UGT2B11: variants seen among roughly 807,000 people sequenced by gnomAD.
UGT2B11 encodes the protein UDP glucuronosyltransferase family 2 member B11.
In UGT2B11, 49 loss-of-function variants were observed where a neutral mutation model predicts 51.7. That is an observed-to-expected ratio of 0.95 (90% CI 0.75 to 1.20). The LOEUF is 1.20. Ranked by LOEUF, UGT2B11 falls within the 50% of genes most tolerant of loss-of-function variation. UGT2B11 has a pLI of 0.00. For synonymous variants in UGT2B11, 273 were observed against 209.0 expected (o/e 1.31, Z -2.64); for missense variants, 810 against 622.1 (o/e 1.30, Z -3.21).
intron 3 of UGT2B11, among the ~76,000 whole-genome samples, chr4:69,207,901 T>C (rs964603981): frequency 1.2e-4 from 18 of 151,680 alleles, no homozygotes; most frequent in Non-Finnish European, 1.5e-4. Context: ...TAAGTCTTCC[T>C]TGTATTTCTA....
chr4:69,206,187 C>T (rs1423347987), intron 3 of UGT2B11, among the ~76,000 whole-genome samples: 1 of 151,310 alleles, frequency 6.6e-6, no homozygotes, highest in African/African-American at 2.4e-5. Context: ...ATGTTAGTTG[C>T]AGTACTATTC....
chr4:69,210,679 G>A (rs1252834013), intron 2 of UGT2B11, among the ~76,000 whole-genome samples: 2 of 151,556 alleles, frequency 1.3e-5, no homozygotes, highest in African/African-American at 4.8e-5. Flanking sequence ...CAAGAGTAAT[G>A]TAGAGTGACA....
chr4:69,212,715 G>C lies in UGT2B11; in HGVS notation c.728C>G (p.Pro243Arg). Residue 243 changes from proline (P) to arginine (R), a missense_variant, in exon 2 of 6, where the codon CCC (proline) becomes CGC (arginine). By Grantham distance (103) the Pro-to-Arg change is moderately radical. Transcript: ENST00000446444. ...TCCCATTGTCTCAAATAAGGTAGTG[G>C]GTCTTCCTGACAGGAATAAAGAAAA... Reference protein sequence around the residue: ...DQFYSEVLGRPTTLFETMGKA... With the variant: ...DQFYSEVLGRRTTLFETMGKA... The C allele has an allele frequency of 6.2e-7, 1 of 1,603,674 alleles. No homozygotes were observed.
At chr4:69,205,742 A>C in intron 3 of UGT2B11, 175 bp from the exon 4 acceptor site, 3 of 719,268 alleles carry the variant, frequency 4.2e-6, no homozygotes, top group Non-Finnish European at 6.2e-6. Context: ...AATGATTTAG[A>C]TATATAAGAA....
chr4:69,212,518 C>T, intron 2 of UGT2B11, 55 bp downstream of exon 2: 1 of 1,585,480 alleles, frequency 6.3e-7, no homozygotes, highest in Non-Finnish European at 8.5e-7. Context: ...ACTATAGACT[C>T]ATTTCTACTG....
At chr4:69,212,356 A>T (rs1361408539) in intron 2 of UGT2B11, among the ~76,000 whole-genome samples, 21 of 151,598 alleles carry the variant, frequency 1.4e-4, no homozygotes, top group Admixed American at 1.3e-3. Flanking sequence ...CTACATTCAA[A>T]GTCTCCTTAC....
intron 5 of UGT2B11, 112 bp downstream of exon 5, chr4:69,204,318 A>G: frequency 2.0e-6 from 3 of 1,479,066 alleles, no homozygotes; most frequent in Non-Finnish European, 2.7e-6. Context: ...TGGTTATATC[A>G]TTTAAATTCT....
intron 5 of UGT2B11, among the ~76,000 whole-genome samples, chr4:69,202,042 G>A (rs1254532121): frequency 6.6e-6 from 1 of 151,664 alleles, no homozygotes; most frequent in Non-Finnish European, 1.5e-5. Flanking sequence ...CATTAGTTTT[G>A]CTTGTTTATG....
chr4:69,205,470 A>C lies in UGT2B11; in HGVS notation c.1090+10T>G, dbSNP rs571377795. On this transcript the variant is annotated intron_variant, in intron 4 of 5. Transcript: ENST00000446444. ...CTAATATATCCAGTATTTGTTCACC[A>C]GAGTGTTACCTAGAAGGTCATTCTG... The C allele has an allele frequency of 6.2e-7, 1 of 1,608,872 alleles. No individual in the cohort carries two copies. Among genetic ancestry groups the C allele is most frequent in the East Asian group, 2.2e-5 (1 of 44,636 alleles).
intron 4 of UGT2B11, 24 bp downstream of exon 4, chr4:69,205,456 A>G (rs1156953892): frequency 6.2e-7 from 1 of 1,604,072 alleles, no homozygotes; most frequent in Non-Finnish European, 8.5e-7. Context: ...TAATATATCC[A>G]GTATTTGTTC....
upstream of UGT2B11, among the ~76,000 whole-genome samples, chr4:69,217,829 T>C (rs562265291): frequency 4.7e-4 from 72 of 152,174 alleles, no homozygotes; most frequent in African/African-American, 1.6e-3. Context: ...GCCACAGTTC[T>C]TGAGGCTGAA....
At chr4:69,207,622 G>A (rs1295928133) in intron 3 of UGT2B11, among the ~76,000 whole-genome samples, 1 of 151,460 alleles carries the variant, frequency 6.6e-6, no homozygotes, top group Non-Finnish European at 1.5e-5. Context: ...ATTTTATACT[G>A]TACAGGATCC....
At chr4:69,205,273 G>T (rs1721806434) in intron 4 of UGT2B11, among the ~76,000 whole-genome samples, 1 of 151,684 alleles carries the variant, frequency 6.6e-6, no homozygotes, top group African/African-American at 2.4e-5. Context: ...CTGAAATAAA[G>T]ATTATCTCTG....
At position 69,214,209 on chromosome 4, in the gene UGT2B11, G is replaced by T; in HGVS notation, c.514C>A (p.Leu172Ile). ...ATTGTGTAGCCAGGAGTAAAGCGGA[G>T]ACTGTACACAAACCGTATGTTAAGT... ...ALLNIRFVYSLRFTPGYTIER... is the reference protein window; with the variant it reads ...ALLNIRFVYSIRFTPGYTIER... Residue 172 changes from leucine (L) to isoleucine (I), a missense_variant, in exon 1 of 6, where the codon CTC becomes ATC. By Grantham distance (5) the Leu-to-Ile change is conservative. Coordinates refer to ENST00000446444, the MANE Select transcript of UGT2B11 (RefSeq NM_001073.3). 3 of 1,613,206 alleles carry T rather than the reference G, an allele frequency of 1.9e-6. No homozygotes were observed. The highest frequency in any genetic ancestry group is 2.5e-6 in the Non-Finnish European group (3 of 1,179,492).
rs780896887 is a variant in UGT2B11, at chr4:69,214,523, T to C, written c.200A>G (p.Asn67Ser). ...ASSASILFDP[N>S]DASTLKFEVY... ...TTCAAATTTAAGAGTGGATGCATCA[T>C]TGGGATCAAAAAGAATGGAAGCTGA... Residue 67 changes from asparagine (N) to serine (S), a missense_variant, in exon 1 of 6, where the codon AAT (asparagine) becomes AGT (serine). Transcript: ENST00000446444. 4 of 1,613,130 alleles carry C rather than the reference T, an allele frequency of 2.5e-6. No homozygotes were observed. The highest frequency in any genetic ancestry group is 3.4e-6 in the Non-Finnish European group (4 of 1,179,458).
chr4:69,202,082 G>T (rs1236649931), intron 5 of UGT2B11, among the ~76,000 whole-genome samples: 1 of 151,754 alleles, frequency 6.6e-6, no homozygotes, highest in Non-Finnish European at 1.5e-5. Flanking sequence ...GTACTCAAAA[G>T]TGTCTTTTTC....
At chr4:69,221,583 G>T in the UGT2B11 span, among the ~76,000 whole-genome samples, 2 of 152,344 alleles carry the variant, frequency 1.3e-5, no homozygotes, top group South Asian at 2.1e-4. Flanking sequence ...CCCTAATAAG[G>T]GTGTGGGACT....
intron 3 of UGT2B11, among the ~76,000 whole-genome samples, chr4:69,206,247 G>T (rs1721851299): frequency 6.6e-6 from 1 of 151,430 alleles, no homozygotes. Context: ...ATTATGGAAT[G>T]AATAAAGAAA....
In UGT2B11 at chr4:69,200,311, A is replaced by ATTTTTT. The variant is rs1560534651; in HGVS notation, c.*128_*129insAAAAAA. 16 of 1,000,184 alleles carry ATTTTTT rather than the reference A, an allele frequency of 1.6e-5. No homozygotes were observed. The highest frequency in any genetic ancestry group is 2.7e-4 in the Middle Eastern group (1 of 3,722). 62.0% of individuals were successfully genotyped at this position (1,000,184 alleles called of 1,614,324 possible). On this transcript the variant is annotated 3_prime_UTR_variant, in exon 6 of 6. Coordinates refer to ENST00000446444, the MANE Select transcript of UGT2B11 (RefSeq NM_001073.3). ...TTTTACTTGACAAGGTAGATTTGAA[A>ATTTTTT]ATTTTTTTTTTTTTTTTTTTTTTGT... is the stretch of plus-strand genomic sequence containing the variant.
Sources: gnomAD v4.1 joint callset for allele counts (sites outside exome capture counted in the v4.1 genomes callset) on GRCh38, gnomAD v4.1.1 for gene constraint, MANE v1.5 for transcripts, NCBI Gene and HGNC (gene_info 2026-07-23, HGNC 2026-07-21) for gene names.